The following CEP70 variants were observed in gnomAD, a reference collection of about 807,000 sequenced individuals.
The protein encoded by CEP70 is centrosomal protein 70.
Under a neutral mutation model 90.9 loss-of-function variants are expected in CEP70, and 70 were observed. The ratio of observed to expected loss-of-function variants is 0.77; its 90% confidence interval spans 0.64 to 0.94. The LOEUF is 0.94. CEP70 is among the 40% of genes least tolerant of loss of function. The probability of loss-of-function intolerance (pLI) is 0.00; values close to 1 mark genes in which losing one functional copy is unlikely to be tolerated. For synonymous variants in CEP70, 220 were observed against 228.3 expected, an observed-to-expected ratio of 0.96 and a Z score of 0.33; for missense variants, 648 against 669.0, an observed-to-expected ratio of 0.97 and a Z score of 0.35.
intron 6 of CEP70, among the ~76,000 whole-genome samples, chr3:138,539,181 C>T (rs755453379): frequency 6.6e-6 from 1 of 152,082 alleles, no homozygotes; most frequent in Non-Finnish European, 1.5e-5. Flanking sequence ...TACCATCACA[C>T]CTGGATAGTT....
chr3:138,508,660 T>C (rs2035218985), intron 11 of CEP70, 116 bp from the exon 12 acceptor site: 2 of 700,420 alleles, frequency 2.9e-6, no homozygotes, highest in South Asian at 3.1e-5. Flanking sequence ...TCACTTTACT[T>C]ATATGTGTGT....
chr3:138,497,820 G>T, intron 17 of CEP70: 1 of 985,394 alleles, frequency 1.0e-6, no homozygotes, highest in South Asian at 4.7e-5. Flanking sequence ...TCCAACAAAG[G>T]TAGTTCCTAT....
intron 6 of CEP70, among the ~76,000 whole-genome samples, chr3:138,548,769 T>C (rs2039405527): frequency 6.6e-6 from 1 of 152,194 alleles, no homozygotes; most frequent in Non-Finnish European, 1.5e-5. Flanking sequence ...CATGAACTTT[T>C]GCTCCAAAAC....
In CEP70 at chr3:138,586,345, A is replaced by T. The variant is rs188470113; in HGVS notation, c.-6+5509T>A. Among the ~76,000 whole-genome samples, 413 of 152,274 alleles carry T rather than the reference A, an allele frequency of 2.7e-3. 1 individual carries two copies. Among genetic ancestry groups the T allele is most frequent in the African/African-American group, 8.8e-3 (364 of 41,552 alleles). On this transcript the variant is annotated intron_variant, in intron 2 of 17. Coordinates refer to ENST00000264982, the MANE Select transcript of CEP70 (RefSeq NM_024491.4). The stretch of plus-strand genomic sequence containing the variant: ...CCAATTTTTTATATTTTTGGTAGGA[A>T]ATCAGCATATTAAAGAGATATCTGC...
chr3:138,569,574 G>T (rs1411030192), intron 6 of CEP70, among the ~76,000 whole-genome samples: 1 of 152,094 alleles, frequency 6.6e-6, no homozygotes, highest in African/African-American at 2.4e-5. Context: ...GACATAAAAA[G>T]TTGTAGATGC....
At chr3:138,540,039 G>C (rs1393756250) in intron 6 of CEP70, among the ~76,000 whole-genome samples, 1 of 152,164 alleles carries the variant, frequency 6.6e-6, no homozygotes, top group Admixed American at 6.6e-5. Flanking sequence ...TACAGAATGG[G>C]AGGAGACATC....
At chr3:138,538,340 A>C (rs2107822462) in intron 6 of CEP70, among the ~76,000 whole-genome samples, 1 of 152,136 alleles carries the variant, frequency 6.6e-6, no homozygotes, top group East Asian at 1.9e-4. Flanking sequence ...TGGGTATGAA[A>C]CCCTAGCCAG....
At chr3:138,506,858 C>T (rs2035032717) in intron 12 of CEP70, among the ~76,000 whole-genome samples, 1 of 152,078 alleles carries the variant, frequency 6.6e-6, no homozygotes, top group Admixed American at 6.5e-5. Flanking sequence ...CTTCCCATGT[C>T]AACCTCTCAA....
At chr3:138,500,034 G>C in intron 16 of CEP70, 76 bp downstream of exon 16, 1 of 964,252 alleles carries the variant, frequency 1.0e-6, no homozygotes, top group Admixed American at 1.7e-5. Flanking sequence ...AGCCTCCCAA[G>C]TAGCTGGGAC....
At chr3:138,504,220 G>C (rs553590754) in intron 13 of CEP70, among the ~76,000 whole-genome samples, 2 of 152,196 alleles carry the variant, frequency 1.3e-5, no homozygotes, top group East Asian at 3.9e-4. Context: ...GAGGAACTCC[G>C]GTCTATAAAG....
chr3:138,575,063 C>G (rs1425443974), intron 2 of CEP70, among the ~76,000 whole-genome samples: 2 of 152,178 alleles, frequency 1.3e-5, no homozygotes, highest in African/African-American at 4.8e-5. Flanking sequence ...GATCGCAGCT[C>G]CTCACTAGCA....
chr3:138,576,620 A>C (rs2041542513), intron 2 of CEP70, among the ~76,000 whole-genome samples: 1 of 152,080 alleles, frequency 6.6e-6, no homozygotes, highest in Non-Finnish European at 1.5e-5. Context: ...CATCTACAGA[A>C]CTCTCCACCC....
chr3:138,510,433 CA>C (rs58172702), intron 11 of CEP70, among the ~76,000 whole-genome samples: 38 of 142,406 alleles, frequency 2.7e-4, no homozygotes, highest in African/African-American at 4.3e-4. Context: ...ACTCCATCTC[CA>C]AAAAAAAAAA....
At position 138,500,186 on chromosome 3, in the gene CEP70, C is replaced by T; in HGVS notation, c.1576G>A (p.Gly526Arg). 1.9e-6 allele frequency: 3 copies of T among 1,613,682 alleles called. No individual in the cohort carries two copies. The highest frequency in any genetic ancestry group is 2.5e-6 in the Non-Finnish European group (3 of 1,179,604). ...SSLCVLVSTV[G>R]KLCRLINEDV... Reference sequence around the variant, plus strand: ...TCATTAATCAGCCTACAGAGTTTTCCAACAGTGCTTACTAGCACACACAAT... The same window carrying T: ...TCATTAATCAGCCTACAGAGTTTTCTAACAGTGCTTACTAGCACACACAAT... The change falls in exon 16 of 18, where the codon GGA becomes AGA. Residue 526 changes from glycine (G) to arginine (R), a missense_variant. Transcript: ENST00000264982.
Position 138,532,519 on chromosome 3 carries a change from T to C in CEP70, c.687A>G (p.Thr229=), listed in dbSNP as rs2037915299. 6.6e-7 allele frequency: 1 copy of C among 1,507,790 alleles called. No homozygotes were observed. The highest frequency in any genetic ancestry group is 1.4e-5 in the African/African-American group (1 of 69,632). 93.4% of individuals were successfully genotyped at this position (1,507,790 alleles called of 1,614,324 possible). A position where few individuals can be genotyped will look rare whatever the true frequency, so the allele number is the denominator to read the frequency against. The change falls in exon 8 of 18, where the codon ACA becomes ACG. Residue 229 remains threonine (T), a synonymous_variant. Coordinates refer to ENST00000264982, the MANE Select transcript of CEP70 (RefSeq NM_024491.4). ...YYESKIRKIH[T]QRQYKEDESQ... ...TAATACAGGATTACTCGTACCTTTG[T>C]GTATGAATTTTTCTAATTTTAGATT...
intron 6 of CEP70, among the ~76,000 whole-genome samples, chr3:138,565,529 A>G (rs993730887): frequency 6.6e-6 from 1 of 152,218 alleles, no homozygotes; most frequent in African/African-American, 2.4e-5. Flanking sequence ...CACAGAAATG[A>G]CACCACACAT....
intron 11 of CEP70, among the ~76,000 whole-genome samples, chr3:138,512,747 A>C (rs1243055944): frequency 6.6e-6 from 1 of 152,120 alleles, no homozygotes; most frequent in African/African-American, 2.4e-5. Flanking sequence ...ATGTGCAGAA[A>C]CTTTATAGCT....
At chr3:138,530,631 A>G in intron 8 of CEP70, 10 of 985,400 alleles carry the variant, frequency 1.0e-5, no homozygotes, top group Non-Finnish European at 1.1e-5. Flanking sequence ...TTGCTGCTTC[A>G]GTTCTACAGG....
At chr3:138,523,254 C>A (rs1296859302) in intron 11 of CEP70, among the ~76,000 whole-genome samples, 2 of 152,050 alleles carry the variant, frequency 1.3e-5, no homozygotes, top group Non-Finnish European at 2.9e-5. Context: ...TATGACAAAC[C>A]CACAGCCAAT....
Sources: allele counts gnomAD v4.1 joint callset (sites outside exome capture counted in the v4.1 genomes callset), GRCh38; gene constraint gnomAD v4.1.1; transcripts MANE v1.5; gene names NCBI Gene and HGNC (gene_info 2026-07-23, HGNC 2026-07-21).